TENM2: variants seen among roughly 807,000 people sequenced by gnomAD.
The protein encoded by TENM2 is teneurin transmembrane protein 2.
TENM2 carries 52 observed loss-of-function variants against 245.2 expected under a neutral mutation model. The observed-to-expected ratio is 0.21, with a 90% CI of 0.17 to 0.27. The LOEUF (loss-of-function observed/expected upper bound fraction) is 0.27. Among genes scored for constraint, TENM2 ranks in the 10% least tolerant of loss-of-function variants. The probability of loss-of-function intolerance (pLI) is 1.00; values close to 1 mark genes in which losing one functional copy is unlikely to be tolerated. For missense variants in TENM2, 3,046 were observed against 3,666.8 expected (o/e 0.83, Z 4.37); for synonymous variants, 1,363 against 1,438.9 (o/e 0.95, Z 1.19).
chr5:167,801,714 C>A (rs1276104895), intron 2 of TENM2, among the ~76,000 whole-genome samples: 1 of 152,088 alleles, frequency 6.6e-6, no homozygotes, highest in Non-Finnish European at 1.5e-5. Flanking sequence ...GCCAGGAATG[C>A]AGAATGCAGG....
chr5:167,806,129 G>T (rs924505353), intron 2 of TENM2, among the ~76,000 whole-genome samples: 4 of 152,094 alleles, frequency 2.6e-5, no homozygotes, highest in African/African-American at 9.7e-5. Context: ...GTAGAGGCAG[G>T]ACAGAGTCAC....
At chr5:167,199,435 T>C in the TENM2 span, among the ~76,000 whole-genome samples, 9 of 152,236 alleles carry the variant, frequency 5.9e-5, no homozygotes, top group East Asian at 1.7e-3. Context: ...ATTACCAGGA[T>C]CCACTGAGTC....
At chr5:166,993,166 C>T in the TENM2 span, among the ~76,000 whole-genome samples, 1 of 152,068 alleles carries the variant, frequency 6.6e-6, no homozygotes, top group Non-Finnish European at 1.5e-5. Context: ...ATTTTTAGTT[C>T]TGTGCCTTGA....
intron 12 of TENM2, among the ~76,000 whole-genome samples, chr5:168,148,109 A>G (rs957349182): frequency 1.2e-4 from 19 of 152,336 alleles, no homozygotes; most frequent in African/African-American, 4.3e-4. Flanking sequence ...GGGAGTGTGT[A>G]CGTGTGGAAA....
Position 168,026,287 on chromosome 5 carries a change from C to T in TENM2, c.1187-21140C>T, listed in dbSNP as rs149675991. ...GTCCACCTAAACATTTATTCACTGA[C>T]GTGAGGATTAGCAATTAGCCCTCTC... On this transcript the variant is annotated intron_variant, in intron 5 of 28. Coordinates refer to ENST00000518659, the Ensembl canonical transcript of TENM2. 3.2e-3 allele frequency among the ~76,000 whole-genome samples: 491 copies of T among 152,238 alleles called. 2 individuals carry two copies. The highest frequency in any genetic ancestry group is 0.01 in the African/African-American group (422 of 41,528).
Position 167,375,363 on chromosome 5 carries a change from T to G in TENM2, c.392T>G (p.Leu131Arg). ...ATGTCTCCAGAACACGCCATCAGAC[T>G]GTGGGGCAGAGGGATAAAATCCAGG... Residue 131 changes from leucine (L) to arginine (R), a missense_variant, in exon 2 of 29, where the codon CTG (leucine) becomes CGG (arginine). This residue lies in a region of TENM2 where 342 missense variants were observed against 335.0 expected (regional missense o/e 1.02). Coordinates refer to ENST00000518659, the Ensembl canonical transcript of TENM2. The G allele has an allele frequency of 6.4e-7, 1 of 1,551,662 alleles. No homozygotes were observed. The highest frequency in any genetic ancestry group is 2.0e-5 in the Admixed American group (1 of 50,988).
chr5:167,682,766 C>T (rs1420477949), intron 2 of TENM2, among the ~76,000 whole-genome samples: 1 of 152,114 alleles, frequency 6.6e-6, no homozygotes, highest in African/African-American at 2.4e-5. Context: ...AGACTCCCAA[C>T]TTTAGATGGT....
chr5:167,531,321 C>CATTTT (rs1354614242), intron 2 of TENM2, among the ~76,000 whole-genome samples: 2 of 152,114 alleles, frequency 1.3e-5, no homozygotes, highest in Non-Finnish European at 2.9e-5. Context: ...AGCATACTAT[C>CATTTT]ATTTTATTTT....
chr5:167,854,744 G>A (rs1770911584), intron 2 of TENM2, among the ~76,000 whole-genome samples: 1 of 152,160 alleles, frequency 6.6e-6, no homozygotes, highest in Admixed American at 6.5e-5. Flanking sequence ...CGGTAGGAAG[G>A]ATGCCCCTTT....
At chr5:167,494,876 G>T (rs1411415935) in intron 2 of TENM2, among the ~76,000 whole-genome samples, 2 of 151,926 alleles carry the variant, frequency 1.3e-5, no homozygotes, top group African/African-American at 4.8e-5. Flanking sequence ...TCAACCAACT[G>T]CAATAATTCA....
At chr5:167,096,715 C>A in the TENM2 span, among the ~76,000 whole-genome samples, 1 of 152,122 alleles carries the variant, frequency 6.6e-6, no homozygotes, top group African/African-American at 2.4e-5. Context: ...TGTATACAAT[C>A]TTGGGAAGGA....
intron 2 of TENM2, among the ~76,000 whole-genome samples, chr5:167,442,631 A>G (rs1316818319): frequency 6.6e-6 from 1 of 152,164 alleles, no homozygotes; most frequent in Non-Finnish European, 1.5e-5. Flanking sequence ...ATTTTTATTT[A>G]AATATATAAA....
In TENM2 at chr5:168,162,660, G is replaced by C. The variant is rs761595266; in HGVS notation, c.2472G>C (p.Gln824His). ...GTAACGGGAGATGCACACTGGGTCAGAACAGCTGGCAGTGTGTCTGCCAGA... is the reference window on the plus strand; with the variant it reads ...GTAACGGGAGATGCACACTGGGTCACAACAGCTGGCAGTGTGTCTGCCAGA... Residue 824 changes from glutamine (Q) to histidine (H), a missense_variant, in exon 13 of 29, where the codon CAG (glutamine) becomes CAC (histidine). Gln to His is a conservative substitution (Grantham distance 24, BLOSUM62 0). Around this residue, in one of 2 missense-constraint regions of TENM2, gnomAD observed 2,704 missense variants for 3,331.9 expected, o/e 0.81. Coordinates refer to ENST00000518659, the Ensembl canonical transcript of TENM2. 1 of 1,614,036 alleles carries C rather than the reference G, an allele frequency of 6.2e-7. No homozygotes were observed.
chr5:167,442,301 G>A (rs1452795102), intron 2 of TENM2, among the ~76,000 whole-genome samples: 1 of 152,064 alleles, frequency 6.6e-6, no homozygotes, highest in Non-Finnish European at 1.5e-5. Flanking sequence ...TATTCAACCA[G>A]TTACTATTCA....
intron 23 of TENM2, among the ~76,000 whole-genome samples, 153 bp downstream of exon 25, chr5:168,219,152 C>T (rs1652911869): frequency 6.6e-6 from 1 of 152,226 alleles, no homozygotes; most frequent in Non-Finnish European, 1.5e-5. Flanking sequence ...CATGTCCCCT[C>T]TCCCTGACTC....
chr5:167,155,257 A>G, the TENM2 span, among the ~76,000 whole-genome samples: 9 of 152,212 alleles, frequency 5.9e-5, no homozygotes, highest in South Asian at 2.1e-4. Context: ...TGCTTTATGG[A>G]GCAGAATTTT....
chr5:168,090,218 CCACACACACA>C (rs3083413), intron 7 of TENM2, among the ~76,000 whole-genome samples: 3,209 of 136,788 alleles, frequency 0.023, 101 homozygotes, highest in African/African-American at 0.079. Flanking sequence ...ACTCCCCCCA[CCACACACACA>C]CACACACACA....
chr5:167,505,607 A>T (rs1769490285), intron 2 of TENM2, among the ~76,000 whole-genome samples: 1 of 152,214 alleles, frequency 6.6e-6, no homozygotes, highest in Non-Finnish European at 1.5e-5. Flanking sequence ...TGGATATTTT[A>T]TGAAGTAAAC....
intron 1 of TENM2, among the ~76,000 whole-genome samples, chr5:167,323,014 G>A (rs566033854): frequency 6.6e-6 from 1 of 152,122 alleles, no homozygotes; most frequent in Admixed American, 6.5e-5. Context: ...TAAAACTGTC[G>A]CAGGGGCATT....
Sources: gnomAD v4.1 joint callset for allele counts (sites outside exome capture counted in the v4.1 genomes callset) on GRCh38, gnomAD v4.1.1 for gene constraint, gnomAD v4.1.1 regional missense constraint, MANE v1.5 for transcripts, NCBI Gene and HGNC (gene_info 2026-07-23, HGNC 2026-07-21) for gene names.